The following NBEAL2 variants were observed in gnomAD, a reference collection of about 807,000 sequenced individuals.
NBEAL2 encodes the protein neurobeachin-like protein 2.
NBEAL2 carries 160 observed loss-of-function variants against 299.8 expected under a neutral mutation model. The ratio of observed to expected loss-of-function variants is 0.53; its 90% CI spans 0.47 to 0.61. The LOEUF is 0.61. NBEAL2 is among the 20% of genes least tolerant of loss of function. The pLI is 0.00. For synonymous variants in NBEAL2, 1,493 were observed against 1,542.3 expected, an observed-to-expected ratio of 0.97 and a Z score of 0.75; for missense variants, 3,112 against 3,649.0, an observed-to-expected ratio of 0.85 and a Z score of 3.79.
At chr3:46,996,865 C>T (rs1421745629) in intron 17 of NBEAL2, 32 bp downstream of exon 17, 12 of 1,610,504 alleles carry the variant, frequency 7.5e-6, no homozygotes, top group Middle Eastern at 1.6e-4. Context: ...GTGGTTGGCT[C>T]GACTGTGCTA....
intron 1 of NBEAL2, among the ~76,000 whole-genome samples, chr3:46,980,440 T>TC (rs2035244478): frequency 6.6e-6 from 1 of 151,524 alleles, no homozygotes; most frequent in African/African-American, 2.4e-5. Flanking sequence ...TTGAGTTGCA[T>TC]CCCCCCACAC....
chr3:46,991,813 A>G lies in NBEAL2; in HGVS notation c.926-27A>G. 6.4e-7 allele frequency: 1 copy of G among 1,574,120 alleles called. No individual in the cohort carries two copies. Among genetic ancestry groups the G allele is most frequent in the Non-Finnish European group, 8.6e-7 (1 of 1,159,504 alleles). On this transcript the variant is annotated intron_variant, in intron 8 of 53. Coordinates refer to ENST00000450053, the MANE Select transcript of NBEAL2 (RefSeq NM_015175.3). The surrounding 1 kb of genome is among the most constrained non-coding windows in gnomAD (Gnocchi z 6.2). ...TAAGGCTGCCTAGAGGGGTCTGGGCAGGGCCTGACCCTTGACCCTTCCACA... is the reference window on the plus strand; with the variant it reads ...TAAGGCTGCCTAGAGGGGTCTGGGCGGGGCCTGACCCTTGACCCTTCCACA...
intron 12 of NBEAL2, 111 bp downstream of exon 12, chr3:46,994,664 C>T: frequency 2.2e-6 from 2 of 910,824 alleles, no homozygotes; most frequent in Non-Finnish European, 3.4e-6. Flanking sequence ...GCGGCCAGTA[C>T]ATACTGTTAC....
intron 1 of NBEAL2, among the ~76,000 whole-genome samples, chr3:46,981,708 G>A (rs982835279): frequency 2.0e-5 from 3 of 152,250 alleles, no homozygotes; most frequent in South Asian, 4.1e-4. Flanking sequence ...GCAGGTAAAG[G>A]GGGCTTAAAC....
chr3:46,992,896 T>G (rs894427910), intron 10 of NBEAL2, among the ~76,000 whole-genome samples: 2 of 151,952 alleles, frequency 1.3e-5, no homozygotes, highest in Non-Finnish European at 2.9e-5. Context: ...GAGAAAGGGG[T>G]CTCCCTCATG....
chr3:46,996,669 G>T, intron 16 of NBEAL2, 77 bp downstream of exon 16: 2 of 1,539,908 alleles, frequency 1.3e-6, no homozygotes, highest in Non-Finnish European at 1.8e-6. Flanking sequence ...ATCTCTGGGG[G>T]TCTCTCCTGT....
At chr3:46,997,940 G>C (rs547067547) in intron 20 of NBEAL2, 127 bp from the exon 21 acceptor site, 1 of 1,300,934 alleles carries the variant, frequency 7.7e-7, no homozygotes, top group Non-Finnish European at 1.0e-6. Context: ...GCCCCCAAAG[G>C]GTTCTGAGCA....
Position 46,995,603 on chromosome 3 carries a change from C to A in NBEAL2, c.1868C>A (p.Thr623Asn), listed in dbSNP as rs1335347919. Residue 623 changes from threonine to asparagine, a missense_variant, in exon 13 of 54, where the codon ACC becomes AAC. Around this residue, in one of 3 missense-constraint regions of NBEAL2, gnomAD observed 2,243 missense variants for 2,538.1 expected, o/e 0.88. Coordinates refer to ENST00000450053, the MANE Select transcript of NBEAL2 (RefSeq NM_015175.3). The part of the protein sequence containing the change: ...PMDTAPTPAP[T>N]RPLQRKQLYS... ...GATACAGCACCTACCCCTGCCCCCACCCGACCACTCCAGCGAAAGCAGCTG... is the reference window on the plus strand; with the variant it reads ...GATACAGCACCTACCCCTGCCCCCAACCGACCACTCCAGCGAAAGCAGCTG... 1.2e-6 allele frequency: 2 copies of A among 1,611,968 alleles called. No individual in the cohort carries two copies. The highest frequency in any genetic ancestry group is 1.7e-6 in the Non-Finnish European group (2 of 1,179,198).
Position 46,989,089 on chromosome 3 carries a change from C to G in NBEAL2, c.274C>G (p.Leu92Val). 1 of 1,613,740 alleles carries G rather than the reference C, an allele frequency of 6.2e-7. No individual in the cohort carries two copies. Among genetic ancestry groups the G allele is most frequent in the Non-Finnish European group, 8.5e-7 (1 of 1,179,778 alleles). ...TCTCATCATTGACTCCCCCAGGAAC[C>G]TGGAGAACATAGAGGCAGGCCGGGG... ...LKLFIILCRN[L>V]ENIEAGRGQV... is the part of the protein sequence containing the mutation. The change falls in exon 4 of 54, where the codon CTG becomes GTG. Residue 92 changes from leucine to valine, a missense_variant. This residue lies in a region of NBEAL2 where 2,243 missense variants were observed against 2,538.1 expected (regional missense o/e 0.88). Transcript: ENST00000450053. This position sits in a 1 kb window ranked among gnomAD's most constrained non-coding sequence, Gnocchi z 5.5.
At position 47,004,937 on chromosome 3, in the gene NBEAL2, G is replaced by C; in HGVS notation, c.6295-35G>C. On this transcript the variant is annotated intron_variant, in intron 38 of 53. Coordinates refer to ENST00000450053, the MANE Select transcript of NBEAL2 (RefSeq NM_015175.3). The surrounding 1 kb of genome is among the most constrained non-coding windows in gnomAD (Gnocchi z 5.0). ...CAGGGTGGGCTGGTAGGCCATCAGG[G>C]CCCTCATGCAGCCCCTGCTCGGGTG... 1 of 1,584,136 alleles carries C rather than the reference G, an allele frequency of 6.3e-7. No individual in the cohort carries two copies. The highest frequency in any genetic ancestry group is 8.6e-7 in the Non-Finnish European group (1 of 1,165,486).
chr3:47,000,404 G>A lies in NBEAL2; in HGVS notation c.4305G>A (p.Gln1435=). The A allele has an allele frequency of 6.4e-7, 1 of 1,565,984 alleles. No homozygotes were observed. Among genetic ancestry groups the A allele is most frequent in the Non-Finnish European group, 8.7e-7 (1 of 1,153,232 alleles). ...ATACCTCGAACACCAGCAACCCACA[G>A]GTGAGGTGGGCCCACCCTCTGCCAC... ...GDDTSNTSNP[Q]QTSEEELCNL... is the part of the protein sequence containing the mutation. The change falls in exon 27 of 54, where the codon CAG becomes CAA. Residue 1435 remains glutamine, a splice_region_variant and synonymous_variant. Transcript: ENST00000450053. The surrounding 1 kb of genome is among the most constrained non-coding windows in gnomAD (Gnocchi z 4.5).
In NBEAL2 at chr3:46,999,307, C is replaced by T; in HGVS notation, c.3544-8C>T. 1.9e-6 allele frequency: 3 copies of T among 1,603,282 alleles called. No individual in the cohort carries two copies. The highest frequency in any genetic ancestry group is 2.6e-6 in the Non-Finnish European group (3 of 1,174,034). On this transcript the variant is annotated splice_polypyrimidine_tract_variant and splice_region_variant and intron_variant, in intron 24 of 53. Coordinates refer to ENST00000450053, the MANE Select transcript of NBEAL2 (RefSeq NM_015175.3). ...CATGATGACAGTCCTCCGATGACCC[C>T]CACACAGATCCTGCGCAGACTGCAG...
chr3:46,984,286 G>A lies in NBEAL2; in HGVS notation c.51+4374G>A, dbSNP rs114792327. On this transcript the variant is annotated intron_variant, in intron 1 of 53. Transcript: ENST00000450053. ...GCGCCACTGCACTCCAGCCTGGGCC[G>A]GCGACAGAGCGAGACTCCGTCTCAA... 3.9e-3 allele frequency among the ~76,000 whole-genome samples: 592 copies of A among 152,164 alleles called. 7 individuals carry two copies. Among genetic ancestry groups the A allele is most frequent in the African/African-American group, 0.014 (562 of 41,510 alleles).
intron 9 of NBEAL2, 58 bp from the exon 10 acceptor site, chr3:46,992,417 C>T (rs2036168161): frequency 2.7e-6 from 4 of 1,479,988 alleles, no homozygotes; most frequent in Middle Eastern, 2.0e-4. Flanking sequence ...CCACCCTCTC[C>T]CATCTTCCTC....
Position 47,002,448 on chromosome 3 carries a change from C to G in NBEAL2, c.5229C>G (p.Ala1743=), listed in dbSNP as rs375746686. Residue 1743 remains alanine, a synonymous_variant, in exon 32 of 54, where the codon GCC becomes GCG. Transcript: ENST00000450053. ...SHDLMSGFWN[A]CYDMLMSSGQ... ...ACCTTATGTCAGGTTTCTGGAATGC[C>G]TGCTATGACATGCTTATGAGCAGTG... 3.7e-6 allele frequency: 6 copies of G among 1,613,394 alleles called. No individual in the cohort carries two copies. The highest frequency in any genetic ancestry group is 4.2e-6 in the Non-Finnish European group (5 of 1,179,898).
In NBEAL2 at chr3:46,997,248, C is replaced by T; in HGVS notation, c.2650-11C>T. On this transcript the variant is annotated splice_polypyrimidine_tract_variant and intron_variant, in intron 18 of 53. Coordinates refer to ENST00000450053, the MANE Select transcript of NBEAL2 (RefSeq NM_015175.3). ...GGAAGGTCCCCCTCACTGCCATCCT[C>T]CTTCCCCCAGGATGTGGTGAACTGC... 1 of 1,612,198 alleles carries T rather than the reference C, an allele frequency of 6.2e-7. No homozygotes were observed. The highest frequency in any genetic ancestry group is 8.5e-7 in the Non-Finnish European group (1 of 1,179,632).
rs1395973214 is a variant in NBEAL2, at chr3:46,999,885, G to A, written c.3790-4G>A. The A allele has an allele frequency of 1.9e-6, 3 of 1,603,206 alleles. No homozygotes were observed. Among genetic ancestry groups the A allele is most frequent in the South Asian group, 1.1e-5 (1 of 90,706 alleles). On this transcript the variant is annotated splice_polypyrimidine_tract_variant and splice_region_variant and intron_variant, in intron 26 of 53. Transcript: ENST00000450053. ...GTCCTCACTTGCTGTGCTCTCGCCT[G>A]CAGCTTTTCCACCTCATCTACGGAC...
Position 47,008,120 on chromosome 3 carries a change from G to C in NBEAL2, c.7653G>C (p.Gly2551=). Residue 2551 remains glycine, a synonymous_variant, in exon 50 of 54, where the codon GGG becomes GGC. Transcript: ENST00000450053. ...CAAAGCCTGTGCAGGTCCTGTATGG[G>C]CATGGGGCTGCAGTGAGCTGTGTGG... ...LAPKPVQVLY[G]HGAAVSCVAI... 1 of 1,614,022 alleles carries C rather than the reference G, an allele frequency of 6.2e-7. No individual in the cohort carries two copies. The highest frequency in any genetic ancestry group is 8.5e-7 in the Non-Finnish European group (1 of 1,179,896).
In NBEAL2 at chr3:47,009,475, C is replaced by T. The variant is rs886058609; in HGVS notation, c.*155C>T. 8.0e-6 allele frequency: 6 copies of T among 745,956 alleles called. No homozygotes were observed. The highest frequency in any genetic ancestry group is 5.7e-5 in the East Asian group (2 of 34,790). 46.2% of individuals were successfully genotyped at this position (745,956 alleles called of 1,614,324 possible). A position where few individuals can be genotyped will look rare whatever the true frequency, so the allele number is the denominator to read the frequency against. ...CAGGGATTGGCGGGCGATGTTACCC[C>T]CTCAGGGATTGGCGGGCGGAAGTCC... On this transcript the variant is annotated 3_prime_UTR_variant, in exon 54 of 54. Coordinates refer to ENST00000450053, the MANE Select transcript of NBEAL2 (RefSeq NM_015175.3).
Sources: allele counts gnomAD v4.1 joint callset (sites outside exome capture counted in the v4.1 genomes callset), GRCh38; gene constraint gnomAD v4.1.1; regional missense constraint gnomAD v4.1.1; non-coding constraint Gnocchi (gnomAD v3.1); transcripts MANE v1.5; gene names NCBI Gene and HGNC (gene_info 2026-07-23, HGNC 2026-07-21).